CYP27C1: variants seen among roughly 807,000 people sequenced by gnomAD.
The protein encoded by CYP27C1 is cytochrome P450 family 27 subfamily C member 1, also known as cytochrome P450 27C1.
CYP27C1 carries 29 observed loss-of-function variants against 40.6 expected under a neutral mutation model. The ratio of observed to expected loss-of-function variants is 0.71; its 90% CI spans 0.53 to 0.97. The LOEUF is 0.97. Among genes scored for constraint, CYP27C1 ranks in the 50% least tolerant of loss-of-function variants. The pLI, the probability that CYP27C1 is intolerant of heterozygous loss-of-function variation, is 0.00. For missense variants in CYP27C1, 390 were observed against 485.8 expected, an observed-to-expected ratio of 0.80 and a Z score of 1.85; for synonymous variants, 198 against 186.8, an observed-to-expected ratio of 1.06 and a Z score of -0.49.
At chr2:127,192,697 G>C (rs1682808436) in intron 8 of CYP27C1, among the ~76,000 whole-genome samples, 1 of 152,242 alleles carries the variant, frequency 6.6e-6, no homozygotes, top group Admixed American at 6.5e-5. Flanking sequence ...GTGGAGGCGG[G>C]GTCCCCAATC....
chr2:127,190,624 G>A (rs942286942), intron 8 of CYP27C1, among the ~76,000 whole-genome samples: 2 of 149,406 alleles, frequency 1.3e-5, no homozygotes, highest in African/African-American at 4.9e-5. Context: ...ACAGGTGTGA[G>A]CCACAGTGCC....
chr2:127,187,252 C>G lies in CYP27C1; in HGVS notation c.*19G>C, dbSNP rs1682646792. On this transcript the variant is annotated 3_prime_UTR_variant, in exon 9 of 9. Transcript: ENST00000664447. Reference sequence around the variant, plus strand: ...CGGCGAGCTGGTCTGCTACATCAGCCCAGGTTTAAAATCTAGGCTTACTTT... The same window carrying G: ...CGGCGAGCTGGTCTGCTACATCAGCGCAGGTTTAAAATCTAGGCTTACTTT... 6.2e-7 allele frequency: 1 copy of G among 1,602,152 alleles called. No individual in the cohort carries two copies.
chr2:127,212,960 T>G (rs1683363465), intron 1 of CYP27C1, among the ~76,000 whole-genome samples: 1 of 152,186 alleles, frequency 6.6e-6, no homozygotes, highest in African/African-American at 2.4e-5. Context: ...ATAAGCAACT[T>G]CAGCAAAGTC....
intron 1 of CYP27C1, among the ~76,000 whole-genome samples, 200 bp from the exon 2 acceptor site, chr2:127,206,290 CGTTTGTTTGTTT>C (rs72517050): frequency 5.3e-5 from 8 of 150,154 alleles, no homozygotes; most frequent in South Asian, 4.3e-4. Context: ...TTGTTGTTTC[CGTTTGTTTGTTT>C]GTTTGTTTGT....
chr2:127,210,390 C>G (rs1683312286), intron 1 of CYP27C1, among the ~76,000 whole-genome samples: 1 of 152,172 alleles, frequency 6.6e-6, no homozygotes, highest in Non-Finnish European at 1.5e-5. Flanking sequence ...AAAACCAGTA[C>G]CAGCCACTGC....
At chr2:127,193,509 C>T (rs1454878906) in intron 7 of CYP27C1, among the ~76,000 whole-genome samples, 1 of 152,202 alleles carries the variant, frequency 6.6e-6, no homozygotes, top group East Asian at 1.9e-4. Context: ...CCGTCGAGCC[C>T]TTCAGAGACT....
chr2:127,189,983 C>A (rs928461217), intron 8 of CYP27C1, among the ~76,000 whole-genome samples: 6 of 152,090 alleles, frequency 3.9e-5, no homozygotes, highest in Admixed American at 1.3e-4. Flanking sequence ...ATGAGACTTC[C>A]TTTTTCTATT....
At position 127,184,561 on chromosome 2, in the gene CYP27C1, G is replaced by C. The variant is rs957460092; in HGVS notation, c.*2710C>G. 2.6e-5 allele frequency: 4 copies of C among 151,600 alleles called. No individual in the cohort carries two copies. The highest frequency in any genetic ancestry group is 4.4e-5 in the Non-Finnish European group (3 of 67,958). 9.4% of individuals were successfully genotyped at this position (151,600 alleles called of 1,614,324 possible). A position where few individuals can be genotyped will look rare whatever the true frequency, so the allele number is the denominator to read the frequency against. ...CAAGTAGCTGGAATTACAGAAGCCC[G>C]CCACCATGCCTGGATAATTTCTGTA... On this transcript the variant is annotated 3_prime_UTR_variant, in exon 9 of 9. Coordinates refer to ENST00000664447, the MANE Select transcript of CYP27C1 (RefSeq NM_001367502.1).
intron 8 of CYP27C1, among the ~76,000 whole-genome samples, chr2:127,190,385 C>T (rs1682740677): frequency 7.1e-6 from 1 of 141,046 alleles, no homozygotes. Flanking sequence ...CTCTGTCACC[C>T]AGGCTGGAGT....
chr2:127,204,485 A>AAAGAAAGAAAGAAAGAAAGGAAGG lies in CYP27C1; in HGVS notation c.474-915_474-914insCCTTCCTTTCTTTCTTTCTTTCTT. ...GAAAGAAAGAAAGAAAGAAAGAAAG[A>AAAGAAAGAAAGAAAGAAAGGAAGG]AAGGAAGGAAGGAAGGAAGGAAAGA... On this transcript the variant is annotated intron_variant, in intron 2 of 8. Transcript: ENST00000664447. Among the ~76,000 whole-genome samples, 2 of 60,208 alleles carry AAAGAAAGAAAGAAAGAAAGGAAGG rather than the reference A, an allele frequency of 3.3e-5. 1 individual carries two copies. The highest frequency in any genetic ancestry group is 1.4e-4 in the African/African-American group (2 of 14,754). The allele number at this position is 60,208 out of a possible 152,430, so 39.5% of individuals were successfully genotyped here.
Position 127,193,774 on chromosome 2 carries a change from T to C in CYP27C1, c.1293+15A>G, listed in dbSNP as rs1166341145. 1.9e-6 allele frequency: 3 copies of C among 1,613,924 alleles called. No individual in the cohort carries two copies. The African/African-American group carries it at 4.0e-5, about 22-fold the overall frequency. On this transcript the variant is annotated intron_variant, in intron 7 of 8. Transcript: ENST00000664447. ...GACCCGCAAGGCCTGGCCACCCCCA[T>C]GGCCCCAAACTCACGCCTTTCGGAA...
At chr2:127,194,842 C>CT (rs762311494) in intron 6 of CYP27C1, among the ~76,000 whole-genome samples, 43,395 of 139,620 alleles carry the variant, frequency 0.31, 7,300 homozygotes, top group African/African-American at 0.44. Context: ...GATCTTTTTT[C>CT]TTTTTTTTTT....
chr2:127,195,184 G>A lies in CYP27C1; in HGVS notation c.1214+151C>T. Reference sequence around the variant, plus strand: ...ACCCATAAAACAGAATGGTCTTTCTGCTATTCTGACAAGAGCAGAGAAAAA... The same window carrying A: ...ACCCATAAAACAGAATGGTCTTTCTACTATTCTGACAAGAGCAGAGAAAAA... On this transcript the variant is annotated intron_variant, in intron 6 of 8. Transcript: ENST00000664447. This position sits in a 1 kb window ranked among gnomAD's most constrained non-coding sequence, Gnocchi z 6.2. 1 of 937,036 alleles carries A rather than the reference G, an allele frequency of 1.1e-6. No individual in the cohort carries two copies. Among genetic ancestry groups the A allele is most frequent in the East Asian group, 2.6e-5 (1 of 38,654 alleles). The allele number at this position is 937,036 out of a possible 1,614,324, so 58.0% of individuals were successfully genotyped here. A position where few individuals can be genotyped will look rare whatever the true frequency, so the allele number is the denominator to read the frequency against.
chr2:127,218,251 A>T lies in CYP27C1; in HGVS notation c.282+1738T>A, dbSNP rs983588652. Among the ~76,000 whole-genome samples, 1 of 152,208 alleles carries T rather than the reference A, an allele frequency of 6.6e-6. No individual in the cohort carries two copies. Among genetic ancestry groups the T allele is most frequent in the South Asian group, 2.1e-4 (1 of 4,828 alleles). The stretch of plus-strand genomic sequence containing the variant: ...GTCCGTCTCAAAGAAACCTGTGCCC[A>T]TGGAACAAACTCTGGGTGAGGTATG... On this transcript the variant is annotated intron_variant, in intron 1 of 8. Coordinates refer to ENST00000664447, the MANE Select transcript of CYP27C1 (RefSeq NM_001367502.1). This position sits in a 1 kb window ranked among gnomAD's most constrained non-coding sequence, Gnocchi z 6.0.
intron 8 of CYP27C1, among the ~76,000 whole-genome samples, chr2:127,190,672 C>A: frequency 6.8e-6 from 1 of 147,998 alleles, no homozygotes; most frequent in East Asian, 2.2e-4. Context: ...ATGGGCCAAG[C>A]GTGCTGGCTC....
intron 1 of CYP27C1, among the ~76,000 whole-genome samples, chr2:127,212,056 T>G (rs1683349330): frequency 6.6e-6 from 1 of 152,088 alleles, no homozygotes; most frequent in African/African-American, 2.4e-5. Context: ...GCAAATAAAC[T>G]AGAAAATCTA....
At chr2:127,194,890 G>A (rs949583689) in intron 6 of CYP27C1, among the ~76,000 whole-genome samples, 1 of 150,838 alleles carries the variant, frequency 6.6e-6, no homozygotes, top group Non-Finnish European at 1.5e-5. Flanking sequence ...GCCCAGGCTG[G>A]AGTGCACTGG....
At position 127,186,280 on chromosome 2, in the gene CYP27C1, T is replaced by C. The variant is rs1448212813; in HGVS notation, c.*991A>G. The C allele has an allele frequency of 2.0e-5, 3 of 151,216 alleles. No homozygotes were observed. The highest frequency in any genetic ancestry group is 3.0e-5 in the Non-Finnish European group (2 of 67,774). The allele number at this position is 151,216 out of a possible 1,614,324, so 9.4% of individuals were successfully genotyped here. A position where few individuals can be genotyped will look rare whatever the true frequency, so the allele number is the denominator to read the frequency against. On this transcript the variant is annotated 3_prime_UTR_variant, in exon 9 of 9. Coordinates refer to ENST00000664447, the MANE Select transcript of CYP27C1 (RefSeq NM_001367502.1). The surrounding 1 kb of genome is among the most constrained non-coding windows in gnomAD (Gnocchi z 4.5). ...TATTATTTATTTATTATTTATTTCT[T>C]CCAAATAAAAACTAATAGTCAACTT...
At chr2:127,205,613 G>A in intron 2 of CYP27C1, 1 of 900,840 alleles carries the variant, frequency 1.1e-6, no homozygotes, top group Non-Finnish European at 1.3e-6. Context: ...ATCACTGAAT[G>A]GACTCCCAAA....
Sources: allele counts gnomAD v4.1 joint callset (sites outside exome capture counted in the v4.1 genomes callset), GRCh38; gene constraint gnomAD v4.1.1; non-coding constraint Gnocchi (gnomAD v3.1); transcripts MANE v1.5; gene names NCBI Gene and HGNC (gene_info 2026-07-23, HGNC 2026-07-21).